Variants in RPL21 observed in about 807,000 individuals in gnomAD.
RPL21 encodes large ribosomal subunit protein eL21.
Under a neutral mutation model 21.2 loss-of-function variants are expected in RPL21, and 1 was observed. The observed-to-expected ratio is 0.05, with a 90% CI of 0.02 to 0.22. The LOEUF is 0.22. Ranked by LOEUF, RPL21 falls within the 10% of genes least tolerant of loss-of-function variation. The probability of loss-of-function intolerance (pLI) is 1.00; values close to 1 mark genes in which losing one functional copy is unlikely to be tolerated. For synonymous variants in RPL21, 52 were observed against 62.9 expected (o/e 0.83, Z 0.82); for missense variants, 113 against 199.4 (o/e 0.57, Z 2.61).
At chr13:27,251,705 T>C (rs1393425240) in intron 1 of RPL21, 120 bp downstream of exon 1, 3 of 152,576 alleles carry the variant, frequency 2.0e-5, no homozygotes, top group Admixed American at 6.5e-5. Context: ...TTGAGGTCCA[T>C]TGGCATGGGC....
intron 5 of RPL21, 31 bp from the exon 6 acceptor site, chr13:27,256,402 AATT>A (rs1006576765): frequency 7.7e-6 from 12 of 1,565,826 alleles, no homozygotes; most frequent in Non-Finnish European, 1.1e-5. Flanking sequence ...CACATCACAT[AATT>A]ATTTTATTCC....
At chr13:27,252,516 CAGAA>C (rs1566038081) in intron 1 of RPL21, among the ~76,000 whole-genome samples, 1 of 152,104 alleles carries the variant, frequency 6.6e-6, no homozygotes, top group Non-Finnish European at 1.5e-5. Flanking sequence ...ATTCCAAACT[CAGAA>C]AGATGGATCT....
chr13:27,253,991 A>G, intron 2 of RPL21, 148 bp downstream of exon 2: 1 of 705,916 alleles, frequency 1.4e-6, no homozygotes, highest in South Asian at 1.6e-5. Flanking sequence ...TAAATAAATT[A>G]CCAAAATTAT....
chr13:27,255,404 C>CTTTG (rs750089310), intron 4 of RPL21, 50 bp downstream of exon 4: 2 of 810,160 alleles, frequency 2.5e-6, no homozygotes, highest in South Asian at 2.7e-5. Context: ...CCTCATATAC[C>CTTTG]CCCTTTTCAC....
chr13:27,255,395 C>T lies in RPL21; in HGVS notation c.242+41C>T, dbSNP rs768433986. On this transcript the variant is annotated intron_variant, in intron 4 of 5. Transcript: ENST00000311549. ...GTTCTTTGTGGCTAACCAGTATTCC[C>T]TCATATACCCCCTTTTCACTTTGCC... is the stretch of plus-strand genomic sequence containing the variant. 7.3e-6 allele frequency: 6 copies of T among 827,406 alleles called. No homozygotes were observed. The African/African-American group carries it at 8.3e-5, about 11-fold the overall frequency. 51.3% of individuals were successfully genotyped at this position (827,406 alleles called of 1,614,324 possible). A position where few individuals can be genotyped will look rare whatever the true frequency, so the allele number is the denominator to read the frequency against.
At chr13:27,253,617 A>G in intron 1 of RPL21, 148 bp from the exon 2 acceptor site, 1 of 630,270 alleles carries the variant, frequency 1.6e-6, no homozygotes, top group South Asian at 1.7e-5. Flanking sequence ...TGATTTTTTA[A>G]CCTTTCAACA....
intron 2 of RPL21, 47 bp from the exon 3 acceptor site, chr13:27,254,173 C>A: frequency 8.6e-7 from 1 of 1,163,730 alleles, no homozygotes; most frequent in South Asian, 1.2e-5. Context: ...TTCTTTTACT[C>A]TAGATTTTTA....
chr13:27,253,666 T>A, intron 1 of RPL21, 99 bp from the exon 2 acceptor site: 1 of 732,202 alleles, frequency 1.4e-6, no homozygotes, highest in Non-Finnish European at 2.5e-6. Context: ...AGTTTGCAGT[T>A]CTCACTTCGC....
Position 27,253,657 on chromosome 13 carries a change from G to A in RPL21, c.-12-108G>A, listed in dbSNP as rs1485917882. 10 of 713,574 alleles carry A rather than the reference G, an allele frequency of 1.4e-5. No homozygotes were observed. The African/African-American group carries it at 1.4e-4, about 10-fold the overall frequency. 44.2% of individuals were successfully genotyped at this position (713,574 alleles called of 1,614,324 possible). A position where few individuals can be genotyped will look rare whatever the true frequency, so the allele number is the denominator to read the frequency against. ...TAACTGCTTGGTGATCCAGCTTTCA[G>A]TTTGCAGTTCTCACTTCGCTACTGA... On this transcript the variant is annotated intron_variant, in intron 1 of 5. Coordinates refer to ENST00000311549, the MANE Select transcript of RPL21 (RefSeq NM_000982.4).
intron 1 of RPL21, among the ~76,000 whole-genome samples, chr13:27,252,378 G>A: frequency 6.6e-6 from 1 of 152,160 alleles, no homozygotes; most frequent in East Asian, 1.9e-4. Context: ...CAACAGAGTC[G>A]AGCAAACTGC....
intron 1 of RPL21, chr13:27,251,968 C>A (rs138132938): frequency 5.9e-5 from 9 of 152,346 alleles, no homozygotes. Context: ...GGCCTGATGC[C>A]TTTCTAACTC....
In RPL21 at chr13:27,255,604, C is replaced by A. The variant is rs947747420; in HGVS notation, c.242+250C>A. The A allele has an allele frequency of 1.5e-5, 9 of 597,438 alleles. No homozygotes were observed. In the African/African-American group the frequency reaches 1.6e-4, roughly 11 times the overall value. 37.0% of individuals were successfully genotyped at this position (597,438 alleles called of 1,614,324 possible). A position where few individuals can be genotyped will look rare whatever the true frequency, so the allele number is the denominator to read the frequency against. On this transcript the variant is annotated intron_variant, in intron 4 of 5. Coordinates refer to ENST00000311549, the MANE Select transcript of RPL21 (RefSeq NM_000982.4). ...TGTTTTGTTTCGAGACGGAGTCTTG[C>A]TCTGTCGCCCTGGCTGGAGTGCAGT...
rs191077986 is a variant in RPL21 at position 27,254,436 on chromosome 13, C to T, written c.129+155C>T. The T allele has an allele frequency of 6.3e-4, 336 of 536,166 alleles. 1 individual carries two copies. The East Asian group carries it at 6.8e-3, about 11-fold the overall frequency. 33.2% of individuals were successfully genotyped at this position (536,166 alleles called of 1,614,324 possible). A position where few individuals can be genotyped will look rare whatever the true frequency, so the allele number is the denominator to read the frequency against. On this transcript the variant is annotated intron_variant, in intron 3 of 5. Transcript: ENST00000311549. ...TGGAGACGGAGTTTCACTCTTGTTGCTCAGGCTGGAGTGCAATGGCATGAT... is the reference window on the plus strand; with the variant it reads ...TGGAGACGGAGTTTCACTCTTGTTGTTCAGGCTGGAGTGCAATGGCATGAT...
At chr13:27,254,813 G>A (rs893611222) in intron 3 of RPL21, 12 of 351,506 alleles carry the variant, frequency 3.4e-5, no homozygotes. Flanking sequence ...GAACCACCGT[G>A]CCCGGCCTAG....
chr13:27,254,939 T>C (rs1566039057), intron 3 of RPL21: 1 of 487,012 alleles, frequency 2.1e-6, no homozygotes, highest in African/African-American at 2.0e-5. Context: ...GTTTATCAAG[T>C]TGGAAAGGAA....
intron 1 of RPL21, among the ~76,000 whole-genome samples, chr13:27,253,023 T>TA (rs1881720639): frequency 6.6e-6 from 1 of 152,208 alleles, no homozygotes; most frequent in Non-Finnish European, 1.5e-5. Flanking sequence ...GGTGAATTCT[T>TA]AGATAATGAT....
intron 4 of RPL21, among the ~76,000 whole-genome samples, 155 bp from the exon 5 acceptor site, chr13:27,256,029 G>A (rs1181385186): frequency 1.3e-5 from 2 of 152,202 alleles, no homozygotes; most frequent in Admixed American, 1.3e-4. Flanking sequence ...ATGATTAATT[G>A]ATTGTAAATT....
rs564500299 is a variant in RPL21 at position 27,254,748 on chromosome 13, C to T, written c.129+467C>T. Among the ~76,000 whole-genome samples, 16 of 152,250 alleles carry T rather than the reference C, an allele frequency of 1.1e-4. No homozygotes were observed. In the South Asian group the frequency reaches 3.3e-3, roughly 32 times the overall value. ...ATGTTGGTCAGGCTGGTCTTGAACA[C>T]CTCGGGTGATCCGCCGGACTCAGCC... On this transcript the variant is annotated intron_variant, in intron 3 of 5. Coordinates refer to ENST00000311549, the MANE Select transcript of RPL21 (RefSeq NM_000982.4).
chr13:27,252,213 C>T (rs1170141020), intron 1 of RPL21, among the ~76,000 whole-genome samples: 1 of 152,074 alleles, frequency 6.6e-6, no homozygotes, highest in African/African-American at 2.4e-5. Context: ...AATTTTGACC[C>T]CACATGGTGA....
Sources: allele counts gnomAD v4.1 joint callset (sites outside exome capture counted in the v4.1 genomes callset), GRCh38; gene constraint gnomAD v4.1.1; transcripts MANE v1.5; gene names NCBI Gene and HGNC (gene_info 2026-07-23, HGNC 2026-07-21).